The following TIAM1 variants were observed in gnomAD, a reference collection of about 807,000 sequenced individuals.
The protein encoded by TIAM1 is rho guanine nucleotide exchange factor TIAM1.
In TIAM1, 65 loss-of-function variants were observed where a neutral mutation model predicts 163.5. That is an observed-to-expected ratio of 0.40 (90% CI 0.33 to 0.49). The LOEUF is 0.49. Among genes scored for constraint, TIAM1 ranks in the 20% least tolerant of loss-of-function variants. TIAM1 has a pLI of 0.77. For synonymous variants in TIAM1, 833 were observed against 810.1 expected, an observed-to-expected ratio of 1.03 and a Z score of -0.48; for missense variants, 1,789 against 2,044.7, an observed-to-expected ratio of 0.87 and a Z score of 2.41.
intron 2 of TIAM1, among the ~76,000 whole-genome samples, chr21:31,330,945 G>C (rs138153814): frequency 6.6e-6 from 1 of 151,310 alleles, no homozygotes; most frequent in Non-Finnish European, 1.5e-5. Flanking sequence ...TTATAAACTC[G>C]GAAAGGTAAA....
rs777114365 is a variant in TIAM1, at chr21:31,120,351, C to T, written c.*17G>A. 1.3e-5 allele frequency: 20 copies of T among 1,587,038 alleles called. No individual in the cohort carries two copies. Among genetic ancestry groups the T allele is most frequent in the East Asian group, 4.5e-5 (2 of 44,644 alleles). Reference sequence around the variant, plus strand: ...AGGAAGTATCTACACACATTCTCTACGGGGCAGGTGACGCAGTCAGATCTC... The same window carrying T: ...AGGAAGTATCTACACACATTCTCTATGGGGCAGGTGACGCAGTCAGATCTC... On this transcript the variant is annotated 3_prime_UTR_variant, in exon 28 of 28. Coordinates refer to ENST00000541036, the MANE Select transcript of TIAM1 (RefSeq NM_001353694.2). The surrounding 1 kb of genome is among the most constrained non-coding windows in gnomAD (Gnocchi z 4.2).
rs182230118 is a variant in TIAM1 at position 31,500,782 on chromosome 21, C to A, written c.-421-36747G>T. ...AAGAGGCATGGAACTGACGGTCCCACGGAGCCGTCAGAATGAACCTACCTG... is the reference window on the plus strand; with the variant it reads ...AAGAGGCATGGAACTGACGGTCCCAAGGAGCCGTCAGAATGAACCTACCTG... On this transcript the variant is annotated intron_variant, in intron 1 of 28. Coordinates refer to the TIAM1 transcript ENST00000286827. 4.0e-3 allele frequency among the ~76,000 whole-genome samples: 613 copies of A among 152,242 alleles called. 5 individuals carry two copies. Among genetic ancestry groups the A allele is most frequent in the African/African-American group, 0.014 (582 of 41,552 alleles).
chr21:31,403,953 A>C (rs1294009885), intron 2 of TIAM1, among the ~76,000 whole-genome samples: 1 of 152,206 alleles, frequency 6.6e-6, no homozygotes, highest in Non-Finnish European at 1.5e-5. Flanking sequence ...TCACGGAGGC[A>C]GGAGCAATTA....
intron 4 of TIAM1, among the ~76,000 whole-genome samples, chr21:31,255,320 C>T (rs952538161): frequency 1.4e-4 from 21 of 152,304 alleles, no homozygotes; most frequent in African/African-American, 4.1e-4. Flanking sequence ...CATTGAGAAA[C>T]GGATGCAGGT....
intron 20 of TIAM1, among the ~76,000 whole-genome samples, chr21:31,142,647 G>A (rs1253453458): frequency 8.8e-4 from 114 of 130,172 alleles, no homozygotes; most frequent in African/African-American, 3.4e-3. Flanking sequence ...AAAAAAAAAA[G>A]AAAGAAAAAA....
intron 1 of TIAM1, among the ~76,000 whole-genome samples, chr21:31,506,524 T>C (rs975981526): frequency 6.6e-6 from 1 of 152,234 alleles, no homozygotes; most frequent in African/African-American, 2.4e-5. Context: ...AGGTCCCTCA[T>C]ACAAGTGGAA....
intron 1 of TIAM1, among the ~76,000 whole-genome samples, chr21:31,518,981 G>C (rs917895218): frequency 4.6e-5 from 7 of 152,142 alleles, no homozygotes; most frequent in African/African-American, 1.7e-4. Flanking sequence ...GATCACTTGA[G>C]GTCAGGAGTT....
intron 23 of TIAM1, among the ~76,000 whole-genome samples, chr21:31,133,087 A>G (rs1353752254): frequency 6.6e-6 from 1 of 152,202 alleles, no homozygotes; most frequent in African/African-American, 2.4e-5. Flanking sequence ...ACTGAGGGTA[A>G]CCATGATCCT....
At chr21:31,285,230 G>C (rs2073754262) in intron 2 of TIAM1, among the ~76,000 whole-genome samples, 1 of 152,178 alleles carries the variant, frequency 6.6e-6, no homozygotes, top group Non-Finnish European at 1.5e-5. Context: ...TTCGCACACA[G>C]AGGGGTGTGG....
At chr21:31,252,334 A>C in intron 4 of TIAM1, 145 bp from the exon 5 acceptor site, 1 of 874,380 alleles carries the variant, frequency 1.1e-6, no homozygotes, top group South Asian at 1.7e-5. Flanking sequence ...CGGCTCCTGG[A>C]CCAGGTCCTG....
chr21:31,140,023 T>C (rs1006207540), intron 22 of TIAM1, among the ~76,000 whole-genome samples: 1 of 152,346 alleles, frequency 6.6e-6, no homozygotes, highest in Non-Finnish European at 1.5e-5. Context: ...ATTTTTCCAA[T>C]GAACCTTTAC....
chr21:31,453,675 G>A (rs879463161), intron 2 of TIAM1, among the ~76,000 whole-genome samples: 2 of 112,238 alleles, frequency 1.8e-5, no homozygotes, highest in African/African-American at 3.6e-5. Context: ...GCAATAGAGC[G>A]AGACTCCATC....
At chr21:31,470,436 C>T (rs776309504) in intron 1 of TIAM1, among the ~76,000 whole-genome samples, 6 of 151,930 alleles carry the variant, frequency 3.9e-5, no homozygotes, top group South Asian at 2.1e-4. Context: ...AGGGTTCAAG[C>T]GATGCTCCTG....
chr21:31,539,244 C>T (rs979513728), intron 1 of TIAM1, among the ~76,000 whole-genome samples: 1 of 149,600 alleles, frequency 6.7e-6, no homozygotes, highest in Non-Finnish European at 1.5e-5. Flanking sequence ...TATTAAATGA[C>T]AGGGGAAGAG....
At position 31,223,578 on chromosome 21, in the gene TIAM1, T is replaced by C; in HGVS notation, c.1823A>G (p.Glu608Gly). 1 of 1,595,160 alleles carries C rather than the reference T, an allele frequency of 6.3e-7. No homozygotes were observed. The highest frequency in any genetic ancestry group is 8.5e-7 in the Non-Finnish European group (1 of 1,171,272). ...CATTTGGAACTGCTCGAGATTTTGC[T>C]CCCAGACAAAGATCTATGGTAGTGA... Reference protein sequence around the residue: ...KTILDQIFVWEQNLEQFQMDL... With the variant: ...KTILDQIFVWGQNLEQFQMDL... Residue 608 changes from glutamate to glycine, a missense_variant, in exon 8 of 28, where the codon GAG becomes GGG. This residue lies in a region of TIAM1 where 456 missense variants were observed against 586.6 expected (regional missense o/e 0.78). Transcript: ENST00000541036.
chr21:31,455,876 G>A (rs1230191769), intron 2 of TIAM1, among the ~76,000 whole-genome samples: 1 of 152,160 alleles, frequency 6.6e-6, no homozygotes, highest in African/African-American at 2.4e-5. Flanking sequence ...CTCAACTGAA[G>A]GAAACCACTA....
chr21:31,130,828 G>C (rs1045120596), intron 24 of TIAM1, 62 bp downstream of exon 24: 2 of 1,475,088 alleles, frequency 1.4e-6, no homozygotes, highest in African/African-American at 2.8e-5. Context: ...AATTATGCAG[G>C]CATAACTGAT....
At chr21:31,185,606 A>G in intron 14 of TIAM1, among the ~76,000 whole-genome samples, 1 of 144,660 alleles carries the variant, frequency 6.9e-6, no homozygotes, top group Non-Finnish European at 1.5e-5. Context: ...TCATATAGCT[A>G]TATATTATAT....
intron 3 of TIAM1, among the ~76,000 whole-genome samples, chr21:31,275,561 C>T (rs975186483): frequency 1.3e-5 from 2 of 152,156 alleles, no homozygotes; most frequent in South Asian, 2.1e-4. Context: ...TCTATGGCAG[C>T]GTTATTTGTA....
Sources: allele counts gnomAD v4.1 joint callset (sites outside exome capture counted in the v4.1 genomes callset), GRCh38; gene constraint gnomAD v4.1.1; regional missense constraint gnomAD v4.1.1; non-coding constraint Gnocchi (gnomAD v3.1); transcripts MANE v1.5; gene names NCBI Gene and HGNC (gene_info 2026-07-23, HGNC 2026-07-21).